The following PDE1C variants were observed in gnomAD, a reference collection of about 807,000 sequenced individuals.
The protein encoded by PDE1C is dual specificity calcium/calmodulin-dependent 3',5'-cyclic nucleotide phosphodiesterase 1C.
In PDE1C, 62 loss-of-function variants were observed where a neutral mutation model predicts 93.1. The ratio of observed to expected loss-of-function variants is 0.67; its 90% confidence interval spans 0.54 to 0.82. PDE1C has a LOEUF of 0.82. Ranked by LOEUF, PDE1C falls within the 40% of genes least tolerant of loss-of-function variation. PDE1C has a pLI of 0.00. For synonymous variants in PDE1C, 325 were observed against 310.1 expected (o/e 1.05, Z -0.50); for missense variants, 742 against 884.6 (o/e 0.84, Z 2.04).
At chr7:32,021,155 A>G (rs1383914929) in intron 2 of PDE1C, among the ~76,000 whole-genome samples, 2 of 152,066 alleles carry the variant, frequency 1.3e-5, no homozygotes, top group African/African-American at 4.8e-5. Flanking sequence ...TCCCCAGTGA[A>G]GCTGGCCACT....
At chr7:31,774,766 A>C (rs1427877759) in intron 17 of PDE1C, among the ~76,000 whole-genome samples, 1 of 152,260 alleles carries the variant, frequency 6.6e-6, no homozygotes, top group South Asian at 2.1e-4. Context: ...AAAACTCTAC[A>C]TAAAGTATTA....
chr7:32,055,004 T>C (rs967637590), intron 1 of PDE1C, among the ~76,000 whole-genome samples: 1 of 152,140 alleles, frequency 6.6e-6, no homozygotes, highest in Non-Finnish European at 1.5e-5. Context: ...GTGTGTCCCA[T>C]AGTGGCCAGA....
At chr7:31,718,574 T>C in the PDE1C span, among the ~76,000 whole-genome samples, 3 of 152,134 alleles carry the variant, frequency 2.0e-5, no homozygotes. Context: ...CAGGCTGCTG[T>C]TGGTTTCTCT....
At chr7:32,359,374 C>T (rs1300054526) in intron 1 of PDE1C, among the ~76,000 whole-genome samples, 4 of 150,822 alleles carry the variant, frequency 2.7e-5, no homozygotes, top group South Asian at 2.1e-4. Flanking sequence ...TTCTCCTTAA[C>T]GGTATGTATG....
At chr7:31,883,648 G>T (rs948872643) in intron 2 of PDE1C, among the ~76,000 whole-genome samples, 2 of 152,220 alleles carry the variant, frequency 1.3e-5, no homozygotes, top group African/African-American at 4.8e-5. Flanking sequence ...TCCTGGGAAA[G>T]CACAGTATTG....
intron 2 of PDE1C, among the ~76,000 whole-genome samples, chr7:31,987,866 T>A (rs1171832982): frequency 2.0e-5 from 3 of 152,190 alleles, no homozygotes; most frequent in African/African-American, 7.2e-5. Flanking sequence ...GAAAGTGCTA[T>A]GTGTCTGTGT....
intron 1 of PDE1C, among the ~76,000 whole-genome samples, chr7:32,278,093 C>G (rs1811399591): frequency 1.5e-5 from 2 of 134,944 alleles, no homozygotes; most frequent in Non-Finnish European, 1.6e-5. Context: ...GAAGCTGAAA[C>G]ACGGGCAGAT....
At chr7:31,931,673 T>G (rs1465370087) in intron 2 of PDE1C, among the ~76,000 whole-genome samples, 3 of 152,106 alleles carry the variant, frequency 2.0e-5, no homozygotes, top group African/African-American at 7.2e-5. Context: ...CCAAAGTAAT[T>G]TATAGATTCA....
chr7:32,107,215 G>T (rs1798368499), intron 3 of PDE1C, among the ~76,000 whole-genome samples: 1 of 150,096 alleles, frequency 6.7e-6, no homozygotes, highest in African/African-American at 2.4e-5. Flanking sequence ...TAATATATGT[G>T]TAGCAAGAAT....
At chr7:32,395,896 T>C (rs1784832386) in intron 1 of PDE1C, among the ~76,000 whole-genome samples, 1 of 152,238 alleles carries the variant, frequency 6.6e-6, no homozygotes, top group South Asian at 2.1e-4. Context: ...TCTTTACTTT[T>C]TCTTCTTGCC....
In PDE1C at chr7:32,100,552, T is replaced by A. The variant is rs189797140; in HGVS notation, c.308+69233A>T. Among the ~76,000 whole-genome samples, 130 of 152,362 alleles carry A rather than the reference T, an allele frequency of 8.5e-4. 1 individual carries two copies. Among genetic ancestry groups the A allele is most frequent in the African/African-American group, 2.7e-3 (112 of 41,580 alleles). On this transcript the variant is annotated intron_variant, in intron 3 of 18. Transcript: ENST00000396193. ...TACTTCAGTCCTGGCTAAGGCAGTG[T>A]AAATGCCGTTAGAGTCAAACATTGA... is the stretch of plus-strand genomic sequence containing the variant.
chr7:32,391,970 T>C (rs1585139536), intron 1 of PDE1C, among the ~76,000 whole-genome samples: 1 of 151,598 alleles, frequency 6.6e-6, no homozygotes, highest in Non-Finnish European at 1.5e-5. Context: ...AAGGAAATAA[T>C]GAAGATTAGA....
intron 2 of PDE1C, among the ~76,000 whole-genome samples, chr7:31,906,659 C>G (rs1291145785): frequency 2.0e-5 from 3 of 152,146 alleles, no homozygotes; most frequent in Admixed American, 6.6e-5. Flanking sequence ...GGCATTCACT[C>G]ATGCAGCAGT....
chr7:31,714,597 G>C, the PDE1C span, among the ~76,000 whole-genome samples: 1 of 152,136 alleles, frequency 6.6e-6, no homozygotes, highest in Admixed American at 6.5e-5. Context: ...CCCAAGACTG[G>C]GAAGAAAAAG....
Position 32,184,592 on chromosome 7 carries a change from T to G in PDE1C, c.137-14636A>C, listed in dbSNP as rs1803708226. ...CATGTTCTCACTCATAGGTGAGAAT[T>G]GAACAATGAGAACACATGGACACAG... is the stretch of plus-strand genomic sequence containing the variant. On this transcript the variant is annotated intron_variant, in intron 2 of 18. Transcript: ENST00000396193. Among the ~76,000 whole-genome samples, 7 of 152,028 alleles carry G rather than the reference T, an allele frequency of 4.6e-5. No individual in the cohort carries two copies. The South Asian group carries it at 1.2e-3, about 27-fold the overall frequency.
the PDE1C span, among the ~76,000 whole-genome samples, chr7:31,722,129 T>C: frequency 2.0e-5 from 3 of 152,142 alleles, no homozygotes; most frequent in South Asian, 6.2e-4. Context: ...CCCTTCCATT[T>C]CTCATCTCCT....
chr7:32,369,110 A>G (rs1280502050), intron 1 of PDE1C, among the ~76,000 whole-genome samples: 1 of 152,202 alleles, frequency 6.6e-6, no homozygotes, highest in South Asian at 2.1e-4. Context: ...AAGACCTGAA[A>G]AGCATGGGCA....
chr7:31,891,805 T>TACACACACACACAC (rs70989620), intron 2 of PDE1C, among the ~76,000 whole-genome samples: 16 of 146,140 alleles, frequency 1.1e-4, no homozygotes, highest in African/African-American at 4.0e-4. Context: ...AATGCATTCA[T>TACACACACACACAC]ACACACACAC....
the PDE1C span, among the ~76,000 whole-genome samples, chr7:31,679,296 C>G: frequency 1.3e-5 from 2 of 152,276 alleles, no homozygotes; most frequent in Non-Finnish European, 2.9e-5. Context: ...GAGTTTCCCA[C>G]TGGGCTTTAT....
Sources: gnomAD v4.1 joint callset for allele counts (sites outside exome capture counted in the v4.1 genomes callset) on GRCh38, gnomAD v4.1.1 for gene constraint, MANE v1.5 for transcripts, NCBI Gene and HGNC (gene_info 2026-07-23, HGNC 2026-07-21) for gene names.